The following NBEA variants were observed in gnomAD, a reference collection of about 807,000 sequenced individuals.
NBEA encodes the protein lysosomal-trafficking regulator 2.
A neutral mutation model predicts 343.4 loss-of-function variants in NBEA; 44 were observed. The ratio of observed to expected loss-of-function variants is 0.13; its 90% CI spans 0.10 to 0.16. The LOEUF is 0.16. Among genes scored for constraint, NBEA ranks in the 10% least tolerant of loss-of-function variants. The pLI, the probability that NBEA is intolerant of heterozygous loss-of-function variation, is 1.00. For missense variants in NBEA, 2,555 were observed against 3,631.3 expected (o/e 0.70, Z 7.62); for synonymous variants, 1,175 against 1,238.7 (o/e 0.95, Z 1.08).
chr13:35,016,129 T>C (rs17051803), intron 1 of NBEA, among the ~76,000 whole-genome samples: 2,407 of 152,264 alleles, frequency 0.016, 67 homozygotes, highest in African/African-American at 0.049. Context: ...TTAGAAATGA[T>C]GTGCATGTTA....
intron 38 of NBEA, among the ~76,000 whole-genome samples, chr13:35,416,274 G>A (rs546072541): frequency 3.3e-5 from 5 of 152,072 alleles, no homozygotes; most frequent in Admixed American, 6.6e-5. Context: ...ATACTATATC[G>A]AATAGGAATG....
At chr13:35,144,173 A>G (rs1322381309) in intron 18 of NBEA, among the ~76,000 whole-genome samples, 1 of 152,206 alleles carries the variant, frequency 6.6e-6, no homozygotes, top group Non-Finnish European at 1.5e-5. Context: ...GTACACACTC[A>G]GGAAAGGGGA....
At chr13:35,525,191 T>C (rs1259567380) in intron 41 of NBEA, among the ~76,000 whole-genome samples, 1 of 152,232 alleles carries the variant, frequency 6.6e-6, no homozygotes, top group Non-Finnish European at 1.5e-5. Flanking sequence ...TATCAAACCA[T>C]TGAATGTCAA....
intron 56 of NBEA, among the ~76,000 whole-genome samples, 163 bp from the exon 57 acceptor site, chr13:35,667,211 C>G (rs546237984): frequency 1.3e-5 from 2 of 152,296 alleles, no homozygotes; most frequent in East Asian, 3.9e-4. Flanking sequence ...TGGCTTTGCT[C>G]TGTTTAAATG....
At chr13:35,320,406 G>A (rs1374796849) in intron 36 of NBEA, among the ~76,000 whole-genome samples, 1 of 152,178 alleles carries the variant, frequency 6.6e-6, no homozygotes, top group Non-Finnish European at 1.5e-5. Context: ...TTTACTTTAA[G>A]AATGTTGAAT....
At chr13:35,112,757 G>T (rs1035189065) in intron 13 of NBEA, among the ~76,000 whole-genome samples, 1 of 151,900 alleles carries the variant, frequency 6.6e-6, no homozygotes, top group African/African-American at 2.4e-5. Context: ...CTCTTTTTAT[G>T]TATATATAAA....
intron 28 of NBEA, chr13:35,179,746 T>C: frequency 1.2e-5 from 12 of 983,412 alleles, no homozygotes; most frequent in Non-Finnish European, 1.4e-5. Flanking sequence ...ATAGAAGTAT[T>C]ATGGGATATT....
chr13:35,019,875 T>G (rs556440911), intron 1 of NBEA, among the ~76,000 whole-genome samples: 8 of 152,326 alleles, frequency 5.3e-5, no homozygotes, highest in Admixed American at 1.3e-4. Flanking sequence ...AGTGGTAATT[T>G]ATATTGGTTC....
At chr13:35,157,558 C>G (rs2069255801) in intron 21 of NBEA, among the ~76,000 whole-genome samples, 1 of 152,078 alleles carries the variant, frequency 6.6e-6, no homozygotes, top group Admixed American at 6.6e-5. Context: ...CTTGCTCTTT[C>G]AACTGGTTCT....
rs2059325553 is a variant in NBEA at position 34,950,746 on chromosome 13, G to T, written c.294+7632G>T. Among the ~76,000 whole-genome samples, 5 of 151,958 alleles carry T rather than the reference G, an allele frequency of 3.3e-5. No homozygotes were observed. In the South Asian group the frequency reaches 1.0e-3, roughly 32 times the overall value. ...AATTAATATAAAAATACTCACTTTG[G>T]CTAAATAAGAACATAAGGCAACAGA... On this transcript the variant is annotated intron_variant, in intron 1 of 58. Coordinates refer to ENST00000379939, the MANE Select transcript of NBEA (RefSeq NM_001385012.1).
In NBEA at chr13:34,942,954, T is replaced by A; in HGVS notation, c.134T>A (p.Leu45Gln). 1 of 1,586,934 alleles carries A rather than the reference T, an allele frequency of 6.3e-7. No homozygotes were observed. Among genetic ancestry groups the A allele is most frequent in the Non-Finnish European group, 8.6e-7 (1 of 1,167,926 alleles). Residue 45 changes from leucine to glutamine, a missense_variant, in exon 1 of 59, where the codon CTA becomes CAA. This residue lies in a region of NBEA where 122 missense variants were observed against 91.0 expected (regional missense o/e 1.34). Coordinates refer to ENST00000379939, the MANE Select transcript of NBEA (RefSeq NM_001385012.1). Reference protein sequence around the residue: ...GGTGGSGMGELRGASGSGSVM... With the variant: ...GGTGGSGMGEQRGASGSGSVM... ...ACCGGGGGCAGCGGGATGGGGGAGC[T>A]AAGGGGGGCGTCCGGCTCCGGCTCG...
Position 35,452,220 on chromosome 13 carries a change from A to G in NBEA, c.6433A>G (p.Ile2145Val), listed in dbSNP as rs764007708. The change falls in exon 40 of 59, where the codon ATT (isoleucine) becomes GTT (valine). Residue 2145 changes from isoleucine (I) to valine (V), a missense_variant. Physicochemically the swap from Ile to Val is conservative, Grantham distance 29. Around this residue, in one of 21 missense-constraint regions of NBEA, gnomAD observed 246 missense variants for 313.7 expected, o/e 0.78. Transcript: ENST00000379939. ...DAVSLLQEKE[I>V]DNLAGPVVLS... Reference sequence around the variant, plus strand: ...AGTCAGTCTGCTACAGGAGAAAGAAATTGACAACCTTGCAGGTAAATTTTA... The same window carrying G: ...AGTCAGTCTGCTACAGGAGAAAGAAGTTGACAACCTTGCAGGTAAATTTTA... The G allele has an allele frequency of 6.3e-5, 99 of 1,582,056 alleles. No individual in the cohort carries two copies. Among genetic ancestry groups the G allele is most frequent in the Non-Finnish European group, 8.2e-5 (95 of 1,163,956 alleles).
chr13:35,097,340 A>G (rs1593332918), intron 10 of NBEA, among the ~76,000 whole-genome samples: 1 of 151,896 alleles, frequency 6.6e-6, no homozygotes, highest in African/African-American at 2.4e-5. Flanking sequence ...ATGTTTAGAA[A>G]TTTGTGGTTT....
chr13:35,102,128 A>G (rs2065676166), intron 11 of NBEA, among the ~76,000 whole-genome samples: 1 of 151,658 alleles, frequency 6.6e-6, no homozygotes, highest in Non-Finnish European at 1.5e-5. Flanking sequence ...AATTTTGTAT[A>G]TGGTATGAGG....
At chr13:35,556,871 G>A (rs1194654682) in intron 44 of NBEA, among the ~76,000 whole-genome samples, 3 of 152,090 alleles carry the variant, frequency 2.0e-5, no homozygotes, top group Admixed American at 6.5e-5. Context: ...TGTTCATGCA[G>A]TATATTATTT....
intron 38 of NBEA, among the ~76,000 whole-genome samples, chr13:35,375,946 A>G (rs1169540072): frequency 6.6e-6 from 1 of 152,066 alleles, no homozygotes; most frequent in Non-Finnish European, 1.5e-5. Flanking sequence ...TGTGTTAAAT[A>G]TTTTCTCCTC....
intron 1 of NBEA, 100 bp downstream of exon 1, chr13:34,943,214 C>T: frequency 6.8e-7 from 1 of 1,464,166 alleles, no homozygotes. Flanking sequence ...TCACACGCGC[C>T]GCGCGTCCCT....
intron 1 of NBEA, among the ~76,000 whole-genome samples, chr13:34,971,724 G>A (rs529109643): frequency 2.0e-5 from 3 of 152,110 alleles, no homozygotes; most frequent in South Asian, 4.2e-4. Flanking sequence ...TGGTGAATAA[G>A]TTTGTTGATG....
chr13:35,255,774 C>CG (rs1387646852), intron 34 of NBEA, among the ~76,000 whole-genome samples: 10 of 152,202 alleles, frequency 6.6e-5, no homozygotes, highest in Non-Finnish European at 1.0e-4. Flanking sequence ...GTGTGGTGAG[C>CG]GGGGGTGGGA....
Sources: allele counts gnomAD v4.1 joint callset (sites outside exome capture counted in the v4.1 genomes callset), GRCh38; gene constraint gnomAD v4.1.1; regional missense constraint gnomAD v4.1.1; transcripts MANE v1.5; gene names NCBI Gene and HGNC (gene_info 2026-07-23, HGNC 2026-07-21).